The following SIK2 variants were observed in gnomAD, a reference collection of about 807,000 sequenced individuals.
The protein encoded by SIK2 is serine/threonine-protein kinase SIK2.
SIK2 carries 29 observed loss-of-function variants against 103.2 expected under a neutral mutation model. That is an observed-to-expected ratio of 0.28 (90% confidence interval 0.21 to 0.38). The LOEUF (loss-of-function observed/expected upper bound fraction) is 0.38. SIK2 is among the 10% of genes least tolerant of loss of function. The probability of loss-of-function intolerance (pLI) is 1.00; values close to 1 mark genes in which losing one functional copy is unlikely to be tolerated. For synonymous variants in SIK2, 412 were observed against 446.1 expected (o/e 0.92, Z 0.96); for missense variants, 879 against 1,171.0 (o/e 0.75, Z 3.64).
At chr11:111,661,119 C>T (rs936532419) in intron 3 of SIK2, among the ~76,000 whole-genome samples, 4 of 152,118 alleles carry the variant, frequency 2.6e-5, no homozygotes, top group Admixed American at 6.6e-5. Flanking sequence ...AGTATATACT[C>T]TTTCTCTTTG....
chr11:111,684,220 T>G (rs1016940517), intron 3 of SIK2, among the ~76,000 whole-genome samples: 1 of 152,208 alleles, frequency 6.6e-6, no homozygotes, highest in Non-Finnish European at 1.5e-5. Flanking sequence ...TCTTTCCCCT[T>G]GCCTGTGGTA....
chr11:111,666,076 CT>C (rs1304419570), intron 3 of SIK2, among the ~76,000 whole-genome samples: 2 of 152,148 alleles, frequency 1.3e-5, no homozygotes, highest in Non-Finnish European at 1.5e-5. Flanking sequence ...TGAAGCAGAC[CT>C]CTCATGTGCT....
chr11:111,666,412 G>A (rs1323829554), intron 3 of SIK2, among the ~76,000 whole-genome samples: 1 of 152,082 alleles, frequency 6.6e-6, no homozygotes, highest in African/African-American at 2.4e-5. Context: ...TCTGGTAAGT[G>A]CTTATATTTG....
rs982234912 is a variant in SIK2, at chr11:111,722,885, C to T, written c.2147+129C>T. On this transcript the variant is annotated intron_variant, in intron 14 of 14. Transcript: ENST00000304987. This position sits in a 1 kb window ranked among gnomAD's most constrained non-coding sequence, Gnocchi z 4.4. ...ATAGGTTTTCTGCGTGTGTCACAGG[C>T]CCTCTGAGCACGATTACTAAGAGGA... The T allele has an allele frequency of 3.9e-6, 3 of 778,722 alleles. No homozygotes were observed. Among genetic ancestry groups the T allele is most frequent in the Non-Finnish European group, 6.2e-6 (3 of 482,134 alleles). The allele number at this position is 778,722 out of a possible 1,614,324, so 48.2% of individuals were successfully genotyped here. A position where few individuals can be genotyped will look rare whatever the true frequency, so the allele number is the denominator to read the frequency against.
At chr11:111,699,319 T>G (rs1053780317) in intron 4 of SIK2, among the ~76,000 whole-genome samples, 1 of 152,182 alleles carries the variant, frequency 6.6e-6, no homozygotes, top group Non-Finnish European at 1.5e-5. Flanking sequence ...TCTAAACTTT[T>G]TCTACCCCTC....
At chr11:111,620,681 T>C (rs533588081) in intron 3 of SIK2, among the ~76,000 whole-genome samples, 1 of 152,344 alleles carries the variant, frequency 6.6e-6, no homozygotes, top group East Asian at 1.9e-4. Context: ...TTTCTTTCTT[T>C]TTATCTTCCT....
intron 1 of SIK2, among the ~76,000 whole-genome samples, chr11:111,603,729 C>A (rs1319762072): frequency 6.6e-6 from 1 of 152,264 alleles, no homozygotes. Flanking sequence ...GTGGTTTTGA[C>A]GTACTCTACT....
intron 3 of SIK2, among the ~76,000 whole-genome samples, chr11:111,666,009 G>A (rs552631850): frequency 2.8e-4 from 42 of 152,294 alleles, no homozygotes; most frequent in African/African-American, 9.6e-4. Flanking sequence ...GCTTTACAAT[G>A]TGTGTGACTA....
chr11:111,646,958 C>A (rs994698583), intron 3 of SIK2, among the ~76,000 whole-genome samples: 6 of 152,114 alleles, frequency 3.9e-5, no homozygotes, highest in African/African-American at 7.2e-5. Flanking sequence ...CATATGATTT[C>A]TTTTCTCTTG....
intron 3 of SIK2, chr11:111,671,528 C>T: frequency 3.2e-6 from 1 of 314,418 alleles, no homozygotes; most frequent in South Asian, 3.1e-5. Context: ...TGCAACTCCT[C>T]ATACTTGATC....
At chr11:111,683,211 AC>A in intron 3 of SIK2, 1 of 154,150 alleles carries the variant, frequency 6.5e-6, no homozygotes. Context: ...TTCCTCCCTC[AC>A]CCCTCCATGT....
intron 4 of SIK2, among the ~76,000 whole-genome samples, chr11:111,699,975 A>T (rs1230055364): frequency 1.3e-5 from 2 of 152,248 alleles, no homozygotes; most frequent in Non-Finnish European, 2.9e-5. Context: ...TCACTGAGAC[A>T]GGCTCTTCAG....
At chr11:111,700,334 T>C (rs765430740) in intron 4 of SIK2, among the ~76,000 whole-genome samples, 1 of 152,204 alleles carries the variant, frequency 6.6e-6, no homozygotes, top group Non-Finnish European at 1.5e-5. Flanking sequence ...TAATGAGCTA[T>C]TCAGATGGTT....
chr11:111,721,051 A>G lies in SIK2; in HGVS notation c.1933A>G (p.Ser645Gly), dbSNP rs768857662. The G allele has an allele frequency of 3.7e-6, 6 of 1,613,326 alleles. No individual in the cohort carries two copies. The Admixed American group carries it at 1.0e-4, about 27-fold the overall frequency. Residue 645 changes from serine (S) to glycine (G), a missense_variant, in exon 12 of 15, where the codon AGC becomes GGC. Around this residue, in one of 7 missense-constraint regions of SIK2, gnomAD observed 375 missense variants for 416.3 expected, o/e 0.90. Coordinates refer to ENST00000304987, the MANE Select transcript of SIK2 (RefSeq NM_015191.3). ...TCCTCAGCTCCAGGACCTTGCTAGC[A>G]GCTGCCCTCAGGTGGGTACCTTGGG... ...AAPQLQDLASSCPQEEVSQQQ... is the reference protein window; with the variant it reads ...AAPQLQDLASGCPQEEVSQQQ...
At chr11:111,715,793 C>CTTTTTTTTTTTTTTTTTTT (rs535843069) in intron 9 of SIK2, among the ~76,000 whole-genome samples, 2 of 81,580 alleles carry the variant, frequency 2.5e-5, no homozygotes, top group African/African-American at 4.9e-5. Flanking sequence ...TCATTTTTAG[C>CTTTTTTTTTTTTTTTTTTT]TTTTTTTTTT....
At position 111,721,948 on chromosome 11, in the gene SIK2, C is replaced by A. The variant is rs756506108; in HGVS notation, c.2055+8C>A. 2.5e-6 allele frequency: 4 copies of A among 1,572,660 alleles called. No homozygotes were observed. The Middle Eastern group carries it at 5.1e-4, about 199-fold the overall frequency. ...CTGCAGCACAGACTCCAGGTGGGTC[C>A]TTCTCCTTGCGAGTCCACCTCACTC... is the stretch of plus-strand genomic sequence containing the variant. On this transcript the variant is annotated splice_region_variant and intron_variant, in intron 13 of 14. Transcript: ENST00000304987.
rs535939731 is a variant in SIK2, at chr11:111,693,551, A to G, written c.478+5389A>G. 2.6e-5 allele frequency among the ~76,000 whole-genome samples: 4 copies of G among 152,352 alleles called. No homozygotes were observed. The East Asian group carries it at 7.7e-4, about 29-fold the overall frequency. On this transcript the variant is annotated intron_variant, in intron 4 of 14. Coordinates refer to ENST00000304987, the MANE Select transcript of SIK2 (RefSeq NM_015191.3). The stretch of plus-strand genomic sequence containing the variant: ...CTGGCTGTTCAGGCATTAAGTTGAG[A>G]ATAAAATAGATGAGGAATATTTAGT...
intron 3 of SIK2, among the ~76,000 whole-genome samples, chr11:111,640,752 T>TTTTTA (rs1942171494): frequency 8.6e-6 from 1 of 116,948 alleles, no homozygotes; most frequent in Non-Finnish European, 1.7e-5. Flanking sequence ...TTTTTTTTTT[T>TTTTTA]GAGATGGAGT....
rs913521481 is a variant in SIK2, at chr11:111,725,642, C to CAAAG, written c.*1515_*1518dup. 1 of 152,662 alleles carries CAAAG rather than the reference C, an allele frequency of 6.6e-6. No homozygotes were observed. Among genetic ancestry groups the CAAAG allele is most frequent in the Admixed American group, 6.5e-5 (1 of 15,288 alleles). 9.5% of individuals were successfully genotyped at this position (152,662 alleles called of 1,614,324 possible). On this transcript the variant is annotated 3_prime_UTR_variant, in exon 15 of 15. Transcript: ENST00000304987. Reference sequence around the variant, plus strand: ...AGCACAAAGCATCTTCCTTAAAGCACAAAGAGAGGGACTAACTGATGCTGC... The same window carrying CAAAG: ...AGCACAAAGCATCTTCCTTAAAGCACAAAGAAAGAGAGGGACTAACTGATGCTGC...
Sources: gnomAD v4.1 joint callset for allele counts (sites outside exome capture counted in the v4.1 genomes callset) on GRCh38, gnomAD v4.1.1 for gene constraint, gnomAD v4.1.1 regional missense constraint, Gnocchi (gnomAD v3.1) non-coding constraint, MANE v1.5 for transcripts, NCBI Gene and HGNC (gene_info 2026-07-23, HGNC 2026-07-21) for gene names.